Variants in ERC2 observed in about 807,000 individuals in gnomAD.
ERC2 encodes the protein ELKS/RAB6-interacting/CAST family member 2.
In ERC2, 42 loss-of-function variants were observed where a neutral mutation model predicts 114.8. The observed-to-expected ratio is 0.37, with a 90% CI of 0.29 to 0.47. The LOEUF is 0.47. Among genes scored for constraint, ERC2 ranks in the 20% least tolerant of loss-of-function variants. The pLI, the probability that ERC2 is intolerant of heterozygous loss-of-function variation, is 0.99. For synonymous variants in ERC2, 454 were observed against 425.5 expected (o/e 1.07, Z -0.82); for missense variants, 939 against 1,150.7 (o/e 0.82, Z 2.66).
chr3:55,711,674 A>G (rs2148857907), intron 15 of ERC2, among the ~76,000 whole-genome samples: 1 of 152,360 alleles, frequency 6.6e-6, no homozygotes, highest in South Asian at 2.1e-4. Flanking sequence ...TGGACATATA[A>G]TAAGTGTTTG....
chr3:56,330,543 G>A (rs1429816508), intron 2 of ERC2, among the ~76,000 whole-genome samples: 2 of 152,106 alleles, frequency 1.3e-5, no homozygotes, highest in African/African-American at 4.8e-5. Context: ...AGATTAGAAA[G>A]AGTTTGCTAA....
chr3:56,137,777 C>A (rs1292400852), intron 6 of ERC2, among the ~76,000 whole-genome samples: 4 of 152,212 alleles, frequency 2.6e-5, no homozygotes, highest in African/African-American at 9.6e-5. Flanking sequence ...ACAGCAGCCA[C>A]TAGCCACATG....
chr3:55,964,024 C>T (rs77794812), intron 12 of ERC2, among the ~76,000 whole-genome samples: 5,138 of 152,184 alleles, frequency 0.034, 170 homozygotes, highest in African/African-American at 0.083. Context: ...GATGATTTTC[C>T]AAATTAGAGT....
chr3:55,539,411 C>CTTTTTT (rs1559619170), intron 17 of ERC2, among the ~76,000 whole-genome samples: 8 of 49,048 alleles, frequency 1.6e-4, no homozygotes, highest in Non-Finnish European at 1.8e-4. Context: ...CTCTTTTTTT[C>CTTTTTT]TTTCTTTTTT....
chr3:55,518,125 A>G (rs2052661058), intron 17 of ERC2, among the ~76,000 whole-genome samples: 1 of 152,070 alleles, frequency 6.6e-6, no homozygotes, highest in Admixed American at 6.6e-5. Context: ...TGCAATCAAA[A>G]ATGTCTCAGG....
chr3:56,236,794 G>C lies in ERC2; in HGVS notation c.1074+59225C>G, dbSNP rs574864759. Among the ~76,000 whole-genome samples the C allele has an allele frequency of 1.2e-4, 18 of 152,278 alleles. No individual in the cohort carries two copies. The South Asian group carries it at 3.7e-3, about 32-fold the overall frequency. On this transcript the variant is annotated intron_variant, in intron 3 of 17. Transcript: ENST00000288221. Reference sequence around the variant, plus strand: ...GGCTTCACTAGTTTTGCTGGGAATAGAGAGAAAACAGATACCTGAGTATTG... The same window carrying C: ...GGCTTCACTAGTTTTGCTGGGAATACAGAGAAAACAGATACCTGAGTATTG...
At chr3:56,419,705 T>TA (rs2061313543) in intron 2 of ERC2, among the ~76,000 whole-genome samples, 1 of 152,262 alleles carries the variant, frequency 6.6e-6, no homozygotes, top group Non-Finnish European at 1.5e-5. Flanking sequence ...CAATATTTTA[T>TA]GAAGTGGTAA....
chr3:56,078,596 T>C (rs749450780), intron 7 of ERC2, among the ~76,000 whole-genome samples: 12 of 152,130 alleles, frequency 7.9e-5, no homozygotes, highest in Non-Finnish European at 1.6e-4. Flanking sequence ...CATCTTTGCA[T>C]AGCTCGGTCC....
chr3:56,085,034 T>C (rs2077433016), intron 6 of ERC2, among the ~76,000 whole-genome samples: 1 of 152,154 alleles, frequency 6.6e-6, no homozygotes. Flanking sequence ...CTCCCCAGCC[T>C]TTCAGCCTCA....
At chr3:55,521,341 C>T (rs1331716492) in intron 17 of ERC2, among the ~76,000 whole-genome samples, 1 of 152,198 alleles carries the variant, frequency 6.6e-6, no homozygotes, top group African/African-American at 2.4e-5. Context: ...ACCTCTTCAC[C>T]GCCAAGATCC....
intron 3 of ERC2, among the ~76,000 whole-genome samples, chr3:56,180,765 T>C (rs188603257): frequency 2.1e-3 from 318 of 152,356 alleles, no homozygotes; most frequent in African/African-American, 7.3e-3. Context: ...TATTGAACTG[T>C]ACATTTAAAA....
At chr3:56,267,454 A>C (rs2053386075) in intron 3 of ERC2, among the ~76,000 whole-genome samples, 2 of 152,120 alleles carry the variant, frequency 1.3e-5, no homozygotes, top group Non-Finnish European at 2.9e-5. Context: ...TGGTTATGGC[A>C]GGAAGCGGGG....
chr3:55,966,746 A>T (rs1458744640), intron 12 of ERC2, among the ~76,000 whole-genome samples: 1 of 152,120 alleles, frequency 6.6e-6, no homozygotes, highest in Non-Finnish European at 1.5e-5. Flanking sequence ...AGAGCTAACC[A>T]TGATAATCCT....
chr3:55,955,189 A>G (rs1275628168), intron 12 of ERC2: 2 of 514,488 alleles, frequency 3.9e-6, no homozygotes, highest in Non-Finnish European at 7.8e-6. Flanking sequence ...TCATGACTGA[A>G]GAAGGGAATA....
At chr3:56,258,640 C>A (rs529559890) in intron 3 of ERC2, among the ~76,000 whole-genome samples, 13 of 152,260 alleles carry the variant, frequency 8.5e-5, no homozygotes, top group African/African-American at 2.2e-4. Context: ...GGCAACACAG[C>A]GAGACTCCGT....
intron 6 of ERC2, among the ~76,000 whole-genome samples, chr3:56,122,771 G>T (rs186541142): frequency 6.6e-6 from 1 of 152,116 alleles, no homozygotes; most frequent in African/African-American, 2.4e-5. Context: ...CCGAATGCCC[G>T]TAAGTCTTAT....
chr3:56,303,623 A>G (rs2150375049), intron 2 of ERC2, among the ~76,000 whole-genome samples: 1 of 152,262 alleles, frequency 6.6e-6, no homozygotes, highest in East Asian at 1.9e-4. Context: ...TCTCCAAGGG[A>G]GGGGTTGTGG....
chr3:56,358,766 T>C (rs116495864), intron 2 of ERC2, among the ~76,000 whole-genome samples: 271 of 152,360 alleles, frequency 1.8e-3, no homozygotes, highest in Non-Finnish European at 3.2e-3. Context: ...TATGGGATAA[T>C]GGTGCTTGCC....
intron 15 of ERC2, among the ~76,000 whole-genome samples, chr3:55,719,085 A>G (rs2064293579): frequency 6.6e-6 from 1 of 152,234 alleles, no homozygotes; most frequent in Admixed American, 6.5e-5. Flanking sequence ...ATGCCGAATT[A>G]AGCCCTGAGA....
Sources: gnomAD v4.1 joint callset for allele counts (sites outside exome capture counted in the v4.1 genomes callset) on GRCh38, gnomAD v4.1.1 for gene constraint, MANE v1.5 for transcripts, NCBI Gene and HGNC (gene_info 2026-07-23, HGNC 2026-07-21) for gene names.